The following FILIP1 variants were observed in gnomAD, a reference collection of about 807,000 sequenced individuals.
FILIP1 encodes filamin A interacting protein 1.
Under a neutral mutation model 102.1 loss-of-function variants are expected in FILIP1, and 61 were observed. The observed-to-expected ratio is 0.60, with a 90% CI of 0.49 to 0.74. FILIP1 has a LOEUF of 0.74. Among genes scored for constraint, FILIP1 ranks in the 30% least tolerant of loss-of-function variants. The pLI is 0.00. For missense variants in FILIP1, 1,314 were observed against 1,441.2 expected, an observed-to-expected ratio of 0.91 and a Z score of 1.43; for synonymous variants, 491 against 526.9, an observed-to-expected ratio of 0.93 and a Z score of 0.93.
intron 1 of FILIP1, among the ~76,000 whole-genome samples, chr6:75,466,000 C>T (rs527264086): frequency 5.3e-5 from 8 of 152,274 alleles, no homozygotes; most frequent in South Asian, 2.1e-4. Flanking sequence ...AGCATGTCCC[C>T]GGCTTAAGGC....
At position 75,301,772 on chromosome 6, in the gene FILIP1, T is replaced by C. The variant is rs541082544; in HGVS notation, c.3494-5822A>G. 5.9e-5 allele frequency among the ~76,000 whole-genome samples: 9 copies of C among 152,258 alleles called. No homozygotes were observed. In the South Asian group the frequency reaches 1.9e-3, roughly 32 times the overall value. On this transcript the variant is annotated intron_variant, in intron 6 of 6. Coordinates refer to the FILIP1 transcript ENST00000393004. The stretch of plus-strand genomic sequence containing the variant: ...CCAAGGTAGGGTGATATGCCAAAGG[T>C]TACACAACCTTTTGGTGGTAGAAAA...
At chr6:75,472,212 T>TA (rs1263632762) in intron 1 of FILIP1, among the ~76,000 whole-genome samples, 2 of 152,104 alleles carry the variant, frequency 1.3e-5, no homozygotes, top group African/African-American at 4.8e-5. Flanking sequence ...TCTCTGGTCT[T>TA]AAAAAATGAA....
At chr6:75,425,337 T>C (rs1168713130) in intron 1 of FILIP1, among the ~76,000 whole-genome samples, 1 of 152,142 alleles carries the variant, frequency 6.6e-6, no homozygotes, top group Non-Finnish European at 1.5e-5. Flanking sequence ...CTAATTAAGG[T>C]GCGCTAGAAA....
chr6:75,327,112 A>G (rs1274565854), intron 4 of FILIP1, among the ~76,000 whole-genome samples: 1 of 152,122 alleles, frequency 6.6e-6, no homozygotes, highest in Non-Finnish European at 1.5e-5. Flanking sequence ...AATCTTCCCC[A>G]TGAATCTGTT....
intron 1 of FILIP1, chr6:75,454,047 A>G: frequency 2.2e-6 from 1 of 456,390 alleles, no homozygotes; most frequent in South Asian, 1.6e-5. Context: ...TCAGAAGTCC[A>G]GATACAGCGT....
intron 4 of FILIP1, 145 bp downstream of exon 4, chr6:75,353,394 G>T: frequency 1.4e-6 from 1 of 736,568 alleles, no homozygotes; most frequent in Non-Finnish European, 2.2e-6. Flanking sequence ...CATTCTCTAT[G>T]GTTACCACCC....
intron 1 of FILIP1, among the ~76,000 whole-genome samples, chr6:75,463,962 T>TA (rs1408804588): frequency 6.6e-6 from 1 of 152,156 alleles, no homozygotes; most frequent in Admixed American, 6.6e-5. Flanking sequence ...CTGTGGCTTT[T>TA]AAAAAATCCA....
At chr6:75,303,707 G>A (rs1464552136), downstream of FILIP1, among the ~76,000 whole-genome samples, 1 of 151,838 alleles carries the variant, frequency 6.6e-6, no homozygotes, top group African/African-American at 2.4e-5. Context: ...GGTTACTGGA[G>A]GACTTTTTCC....
intron 1 of FILIP1, among the ~76,000 whole-genome samples, chr6:75,462,437 C>T (rs1779051222): frequency 1.3e-5 from 2 of 152,000 alleles, no homozygotes; most frequent in South Asian, 4.2e-4. Flanking sequence ...GACACTGACC[C>T]AATCAGGACA....
chr6:75,312,050 C>T (rs1773205460), intron 5 of FILIP1, among the ~76,000 whole-genome samples: 1 of 152,034 alleles, frequency 6.6e-6, no homozygotes, highest in Admixed American at 6.5e-5. Context: ...CCATTTCCCC[C>T]GTCTCCATTC....
In FILIP1 at chr6:75,367,323, CT is replaced by C. The variant is rs752410708; in HGVS notation, c.277-4407del. On this transcript the variant is annotated intron_variant, in intron 2 of 5. Transcript: ENST00000237172. ...ATTCACTATAAACTTACTAAAGGCT[CT>C]TTAATTGTATAGTAATAATCATGGA... is the stretch of plus-strand genomic sequence containing the variant. 6 of 152,256 alleles carry C rather than the reference CT, an allele frequency of 3.9e-5. No individual in the cohort carries two copies. The East Asian group carries it at 1.2e-3, about 29-fold the overall frequency. The allele number at this position is 152,256 out of a possible 1,614,324, so 9.4% of individuals were successfully genotyped here.
chr6:75,307,363 C>G (rs768513363), downstream of FILIP1, among the ~76,000 whole-genome samples: 2 of 152,134 alleles, frequency 1.3e-5, no homozygotes, highest in Non-Finnish European at 2.9e-5. Flanking sequence ...TCCCAAATAT[C>G]AAGAACAGGT....
chr6:75,456,541 C>CA (rs143216125), intron 1 of FILIP1, among the ~76,000 whole-genome samples: 55,446 of 150,330 alleles, frequency 0.37, 11,987 homozygotes, highest in Non-Finnish European at 0.51. Flanking sequence ...TACACTCATA[C>CA]AAAAGAGTAT....
chr6:75,380,707 G>A (rs1203564349), intron 2 of FILIP1, among the ~76,000 whole-genome samples: 1 of 152,080 alleles, frequency 6.6e-6, no homozygotes, highest in Admixed American at 6.6e-5. Context: ...AAATATCTGA[G>A]TAAAATACAG....
At chr6:75,388,789 GT>G (rs1776184752) in intron 2 of FILIP1, among the ~76,000 whole-genome samples, 1 of 152,130 alleles carries the variant, frequency 6.6e-6, no homozygotes. Flanking sequence ...AAATGATGGG[GT>G]TTTCTAAATA....
chr6:75,419,382 CCT>C (rs1175280322), intron 1 of FILIP1, among the ~76,000 whole-genome samples: 4 of 152,214 alleles, frequency 2.6e-5, no homozygotes, highest in South Asian at 4.1e-4. Context: ...GTATCCAACC[CCT>C]GTCTGTTCCT....
intron 1 of FILIP1, among the ~76,000 whole-genome samples, chr6:75,492,656 AACACATTCATACAC>A (rs1430511847): frequency 6.6e-6 from 1 of 152,194 alleles, no homozygotes; most frequent in Non-Finnish European, 1.5e-5. Flanking sequence ...CACTATAGTA[AACACATTCATACAC>A]ACACACATGC....
chr6:75,356,228 G>T (rs1774995577), intron 3 of FILIP1, among the ~76,000 whole-genome samples: 1 of 152,172 alleles, frequency 6.6e-6, no homozygotes, highest in South Asian at 2.1e-4. Context: ...CAGTTATAAG[G>T]AGGATTTGAA....
intron 2 of FILIP1, among the ~76,000 whole-genome samples, chr6:75,380,894 G>A (rs910343955): frequency 6.6e-6 from 1 of 152,044 alleles, no homozygotes; most frequent in Non-Finnish European, 1.5e-5. Context: ...ATTCTTTTAG[G>A]TTGGTAGAAT....
Sources: gnomAD v4.1 joint callset for allele counts (sites outside exome capture counted in the v4.1 genomes callset) on GRCh38, gnomAD v4.1.1 for gene constraint, MANE v1.5 for transcripts, NCBI Gene and HGNC (gene_info 2026-07-23, HGNC 2026-07-21) for gene names.